MIPOL1: variants seen among roughly 807,000 people sequenced by gnomAD.
MIPOL1 encodes the protein mirror-image polydactyly 1, also known as mirror-image polydactyly gene 1 protein.
MIPOL1 carries 57 observed loss-of-function variants against 60.9 expected under a neutral mutation model. The observed-to-expected ratio is 0.94, with a 90% CI of 0.76 to 1.17. The LOEUF is 1.17. Among genes scored for constraint, MIPOL1 ranks in the 50% most tolerant of loss-of-function variants. The pLI, the probability that MIPOL1 is intolerant of heterozygous loss-of-function variation, is 0.00. For missense variants in MIPOL1, 551 were observed against 511.6 expected, an observed-to-expected ratio of 1.08 and a Z score of -0.74; for synonymous variants, 179 against 168.8, an observed-to-expected ratio of 1.06 and a Z score of -0.47.
chr14:37,431,683 A>G (rs2094072050), intron 11 of MIPOL1, among the ~76,000 whole-genome samples: 1 of 138,544 alleles, frequency 7.2e-6, no homozygotes. Flanking sequence ...GGTTCACACC[A>G]TTCTCCTGCC....
At chr14:37,262,743 T>C (rs1341888583) in intron 3 of MIPOL1, among the ~76,000 whole-genome samples, 1 of 152,202 alleles carries the variant, frequency 6.6e-6, no homozygotes, top group Non-Finnish European at 1.5e-5. Flanking sequence ...TTCTCTTTCC[T>C]GTCTCTGAGC....
chr14:37,516,128 T>C (rs1038752273), intron 12 of MIPOL1, among the ~76,000 whole-genome samples: 1 of 152,190 alleles, frequency 6.6e-6, no homozygotes, highest in South Asian at 2.1e-4. Context: ...CTATTCAGTG[T>C]GGGGTTTTAT....
intron 12 of MIPOL1, among the ~76,000 whole-genome samples, chr14:37,509,913 C>T (rs1245695705): frequency 6.6e-6 from 1 of 151,534 alleles, no homozygotes. Flanking sequence ...TGTTCCTCTT[C>T]CCAGCACCCA....
At chr14:37,442,088 TTGTGTGTGTGTGTGTGTGTG>T (rs3985271) in intron 11 of MIPOL1, among the ~76,000 whole-genome samples, 1 of 143,714 alleles carries the variant, frequency 7.0e-6, no homozygotes, top group Non-Finnish European at 1.5e-5. Context: ...TTCTACTTTG[TTGTGTGTGTGTGTGTGTGTG>T]TGTGTGTGTG....
At chr14:37,525,260 A>G (rs954031280) in intron 12 of MIPOL1, among the ~76,000 whole-genome samples, 1 of 152,218 alleles carries the variant, frequency 6.6e-6, no homozygotes, top group South Asian at 2.1e-4. Context: ...CTAGCAAGGG[A>G]TACTGACCAG....
intron 9 of MIPOL1, among the ~76,000 whole-genome samples, chr14:37,362,981 A>T (rs2153487527): frequency 6.6e-6 from 1 of 152,246 alleles, no homozygotes; most frequent in South Asian, 2.1e-4. Context: ...GGTCTTCTCT[A>T]CACTGTTTAT....
chr14:37,495,892 T>G (rs943270204), intron 11 of MIPOL1, among the ~76,000 whole-genome samples: 27 of 149,868 alleles, frequency 1.8e-4, no homozygotes, highest in Non-Finnish European at 3.3e-4. Flanking sequence ...TGATGAGCAT[T>G]TTTTCATGTG....
At chr14:37,296,767 T>C (rs1312396363) in intron 7 of MIPOL1, among the ~76,000 whole-genome samples, 2 of 152,198 alleles carry the variant, frequency 1.3e-5, no homozygotes, top group Non-Finnish European at 1.5e-5. Context: ...AGAATTTGAA[T>C]CTCTGAATAG....
rs145849383 is a variant in MIPOL1, at chr14:37,319,258, A to C, written c.828+10739A>C. On this transcript the variant is annotated intron_variant, in intron 9 of 12. Coordinates refer to ENST00000684589, the MANE Select transcript of MIPOL1 (RefSeq NM_001388067.1). ...TATGTACATCCATGTTTCTTTCTTC[A>C]AGGAAAATTCCCAGGAATGAAAAGG... is the stretch of plus-strand genomic sequence containing the variant. 3.1e-3 allele frequency among the ~76,000 whole-genome samples: 466 copies of C among 152,272 alleles called. 3 individuals carry two copies. The highest frequency in any genetic ancestry group is 9.6e-3 in the African/African-American group (398 of 41,568).
intron 9 of MIPOL1, among the ~76,000 whole-genome samples, chr14:37,366,403 G>A (rs1314087645): frequency 6.6e-6 from 1 of 151,580 alleles, no homozygotes; most frequent in East Asian, 1.9e-4. Context: ...TTTCTTCATC[G>A]ACCCCCTGGT....
intron 10 of MIPOL1, among the ~76,000 whole-genome samples, chr14:37,418,288 T>A (rs193132839): frequency 6.6e-6 from 1 of 152,158 alleles, no homozygotes; most frequent in Admixed American, 6.6e-5. Flanking sequence ...GTGTGGTCTT[T>A]TCTTTGTCAT....
chr14:37,535,595 C>T (rs2095502551), intron 12 of MIPOL1, among the ~76,000 whole-genome samples: 2 of 152,110 alleles, frequency 1.3e-5, no homozygotes, highest in Non-Finnish European at 2.9e-5. Flanking sequence ...CATGAAACTC[C>T]CTATATTATA....
chr14:37,282,622 C>G (rs1594890326), intron 6 of MIPOL1, among the ~76,000 whole-genome samples: 1 of 151,672 alleles, frequency 6.6e-6, no homozygotes, highest in South Asian at 2.1e-4. Flanking sequence ...ATCACTTGAG[C>G]CCAGAAATTT....
intron 9 of MIPOL1, among the ~76,000 whole-genome samples, chr14:37,335,651 A>G (rs1045141611): frequency 1.1e-4 from 16 of 152,202 alleles, no homozygotes; most frequent in Middle Eastern, 3.4e-3. Flanking sequence ...TTGTTTGTCA[A>G]TTCATCTGCT....
intron 10 of MIPOL1, among the ~76,000 whole-genome samples, chr14:37,402,242 T>C (rs1222738651): frequency 6.6e-6 from 1 of 152,192 alleles, no homozygotes; most frequent in Admixed American, 6.6e-5. Context: ...CATTTATATT[T>C]ATTATTGAAA....
In MIPOL1 at chr14:37,373,631, G is replaced by A. The variant is rs561000610; in HGVS notation, c.936+4007G>A. ...AACTCCCACTTATGAGTGAGAACAT[G>A]TGGTGTTCGGTTTTCTGTTCCTGTG... On this transcript the variant is annotated intron_variant, in intron 10 of 12. Coordinates refer to ENST00000684589, the MANE Select transcript of MIPOL1 (RefSeq NM_001388067.1). Among the ~76,000 whole-genome samples the A allele has an allele frequency of 4.6e-5, 7 of 152,130 alleles. No individual in the cohort carries two copies. In the East Asian group the frequency reaches 1.2e-3, roughly 25 times the overall value.
intron 12 of MIPOL1, among the ~76,000 whole-genome samples, chr14:37,546,564 T>G (rs2095548243): frequency 6.6e-6 from 1 of 152,204 alleles, no homozygotes. Flanking sequence ...CAGTTTATTC[T>G]ACATTTAATA....
chr14:37,543,809 T>C (rs2095538209), intron 12 of MIPOL1, among the ~76,000 whole-genome samples: 2 of 152,120 alleles, frequency 1.3e-5, no homozygotes, highest in African/African-American at 2.4e-5. Context: ...ACTAGATGAG[T>C]TAAAACCCTT....
chr14:37,203,351 T>A (rs575944996), intron 1 of MIPOL1, among the ~76,000 whole-genome samples: 1 of 152,302 alleles, frequency 6.6e-6, no homozygotes, highest in African/African-American at 2.4e-5. Context: ...TCTGGTAATC[T>A]TTTTCAAAAG....
Sources: gnomAD v4.1 joint callset for allele counts (sites outside exome capture counted in the v4.1 genomes callset) on GRCh38, gnomAD v4.1.1 for gene constraint, MANE v1.5 for transcripts, NCBI Gene and HGNC (gene_info 2026-07-23, HGNC 2026-07-21) for gene names.